Variants in CAPN7 observed in about 807,000 individuals in gnomAD.
CAPN7 encodes the protein calpain-7.
A neutral mutation model predicts 115.2 loss-of-function variants in CAPN7; 72 were observed. The ratio of observed to expected loss-of-function variants is 0.63; its 90% CI spans 0.52 to 0.76. The LOEUF (loss-of-function observed/expected upper bound fraction) is 0.76, where lower values mean the gene tolerates loss of function less well. CAPN7 is among the 30% of genes least tolerant of loss of function. CAPN7 has a pLI of 0.00. For missense variants in CAPN7, 905 were observed against 971.5 expected, an observed-to-expected ratio of 0.93 and a Z score of 0.91; for synonymous variants, 344 against 322.3, an observed-to-expected ratio of 1.07 and a Z score of -0.72.
rs941688474 is a variant in CAPN7, at chr3:15,206,340, A to C, written c.-156A>C. ...GCTTCGCGGTGGACCCCAGCCCGGCAACGGGAAGGCGAGCTCTCCTCCACC... is the reference window on the plus strand; with the variant it reads ...GCTTCGCGGTGGACCCCAGCCCGGCCACGGGAAGGCGAGCTCTCCTCCACC... On this transcript the variant is annotated 5_prime_UTR_variant, in exon 1 of 21. Coordinates refer to ENST00000253693, the MANE Select transcript of CAPN7 (RefSeq NM_014296.3). The C allele has an allele frequency of 1.2e-5, 7 of 565,868 alleles. No individual in the cohort carries two copies. Among genetic ancestry groups the C allele is most frequent in the African/African-American group, 8.0e-5 (4 of 49,690 alleles). The allele number at this position is 565,868 out of a possible 1,614,324, so 35.1% of individuals were successfully genotyped here. A position where few individuals can be genotyped will look rare whatever the true frequency, so the allele number is the denominator to read the frequency against.
chr3:15,226,453 ATAT>A (rs1694322325), intron 6 of CAPN7, among the ~76,000 whole-genome samples: 1 of 152,218 alleles, frequency 6.6e-6, no homozygotes, highest in Non-Finnish European at 1.5e-5. Context: ...GAGAGAACAA[ATAT>A]TATGGAATCT....
At chr3:15,250,722 C>G (rs938657663) in intron 19 of CAPN7, among the ~76,000 whole-genome samples, 3 of 152,148 alleles carry the variant, frequency 2.0e-5, no homozygotes, top group African/African-American at 4.8e-5. Context: ...TACAGTCTCT[C>G]TTAAAGTAAG....
chr3:15,206,987 TTAAAAAGAA>T (rs1240591639), intron 1 of CAPN7, among the ~76,000 whole-genome samples: 1 of 152,224 alleles, frequency 6.6e-6, no homozygotes, highest in Non-Finnish European at 1.5e-5. Flanking sequence ...TTAAATAAAC[TTAAAAAGAA>T]TAAAAACCAT....
chr3:15,234,038 G>T, intron 11 of CAPN7, 65 bp downstream of exon 11: 1 of 870,580 alleles, frequency 1.1e-6, no homozygotes, highest in Non-Finnish European at 1.9e-6. Flanking sequence ...CATGCTGGCT[G>T]GGCGTGGTGG....
chr3:15,235,453 C>T (rs17040887), intron 12 of CAPN7, among the ~76,000 whole-genome samples: 2 of 151,814 alleles, frequency 1.3e-5, no homozygotes, highest in Non-Finnish European at 2.9e-5. Context: ...GCTTCTTCTT[C>T]GTGTTTGGAT....
intron 4 of CAPN7, among the ~76,000 whole-genome samples, chr3:15,220,304 C>G (rs1693896275): frequency 6.6e-6 from 1 of 152,198 alleles, no homozygotes. Context: ...AGAATGCTTC[C>G]TCACTGCCCA....
At chr3:15,208,722 A>G (rs1241298227) in intron 1 of CAPN7, among the ~76,000 whole-genome samples, 2 of 152,034 alleles carry the variant, frequency 1.3e-5, no homozygotes, top group Non-Finnish European at 2.9e-5. Context: ...TTTTGCCTGA[A>G]TTTTCTTTGG....
intron 6 of CAPN7, among the ~76,000 whole-genome samples, chr3:15,226,747 A>G (rs898231022): frequency 6.6e-6 from 1 of 152,174 alleles, no homozygotes; most frequent in Non-Finnish European, 1.5e-5. Flanking sequence ...GGCTTATTTA[A>G]AGTCTAGAGG....
intron 9 of CAPN7, among the ~76,000 whole-genome samples, chr3:15,231,873 C>G (rs1187504844): frequency 6.6e-6 from 1 of 152,146 alleles, no homozygotes; most frequent in South Asian, 2.1e-4. Context: ...CTGATGACTT[C>G]CTCTGTTATT....
intron 19 of CAPN7, among the ~76,000 whole-genome samples, chr3:15,250,070 A>G (rs1021330823): frequency 4.0e-5 from 6 of 149,296 alleles, no homozygotes; most frequent in South Asian, 2.2e-4. Flanking sequence ...GCCAATGACA[A>G]TATTTTTAAT....
At position 15,211,713 on chromosome 3, in the gene CAPN7, G is replaced by T. The variant is rs546973119; in HGVS notation, c.103-391G>T. On this transcript the variant is annotated intron_variant, in intron 1 of 20. Transcript: ENST00000253693. ...AGTTCAAGACCAGCCTGGCCAACAT[G>T]GCAGAACCCAATCTCTACTAAAAAT... 1.9e-4 allele frequency among the ~76,000 whole-genome samples: 29 copies of T among 152,146 alleles called. No homozygotes were observed. In the Middle Eastern group the frequency reaches 0.014, roughly 71 times the overall value.
rs1370675387 is a variant in CAPN7 at position 15,247,456 on chromosome 3, A to C, written c.2203A>C (p.Arg735=). ...GPLLIELRGP[R]QYSVGFEVVT... is the part of the protein sequence containing the mutation. Reference sequence around the variant, plus strand: ...GTTACTGATTGAGCTACGAGGACCAAGGTTTGTGATGAGTAACTTTCTTAA... The same window carrying C: ...GTTACTGATTGAGCTACGAGGACCACGGTTTGTGATGAGTAACTTTCTTAA... The change falls in exon 19 of 21, where the codon AGG becomes CGG. Residue 735 remains arginine (R), a splice_region_variant and synonymous_variant. Transcript: ENST00000253693. 5 of 1,586,446 alleles carry C rather than the reference A, an allele frequency of 3.2e-6. No individual in the cohort carries two copies. The Middle Eastern group carries it at 5.1e-4, about 161-fold the overall frequency.
Position 15,251,527 on chromosome 3 carries a change from A to G in CAPN7, c.*267A>G, listed in dbSNP as rs775271789. 3.4e-5 allele frequency: 9 copies of G among 263,570 alleles called. No homozygotes were observed. The highest frequency in any genetic ancestry group is 6.4e-5 in the Non-Finnish European group (9 of 140,646). 16.3% of individuals were successfully genotyped at this position (263,570 alleles called of 1,614,324 possible). ...AGGGGCCATTTTGTATAAAAAGTGC[A>G]TATGATTAAAATTAGACTCAGTCAT... On this transcript the variant is annotated 3_prime_UTR_variant, in exon 21 of 21. Transcript: ENST00000253693.
At chr3:15,206,692 G>T (rs994466560) in intron 1 of CAPN7, 95 bp downstream of exon 1, 1 of 910,788 alleles carries the variant, frequency 1.1e-6, no homozygotes, top group Admixed American at 2.7e-5. Flanking sequence ...GGAGGCTAGC[G>T]GCCCCGGCTT....
chr3:15,245,670 G>A lies in CAPN7; in HGVS notation c.2009G>A (p.Arg670Gln), dbSNP rs758102048. 12 of 1,611,674 alleles carry A rather than the reference G, an allele frequency of 7.4e-6. No homozygotes were observed. Among genetic ancestry groups the A allele is most frequent in the African/African-American group, 2.7e-5 (2 of 74,780 alleles). The change falls in exon 17 of 21, where the codon CGG becomes CAG. Residue 670 changes from arginine to glutamine, a missense_variant and splice_region_variant. Coordinates refer to ENST00000253693, the MANE Select transcript of CAPN7 (RefSeq NM_014296.3). ...EKQNTIHYTV[R>Q]VYSACSFTFS... ...CAGAACACAATCCATTACACGGTTC[G>A]GGTAAGTAAAACCAACACACAATGA... is the stretch of plus-strand genomic sequence containing the variant.
chr3:15,206,546 G>T lies in CAPN7; in HGVS notation c.51G>T (p.Ala17=), dbSNP rs370234590. The T allele has an allele frequency of 3.2e-6, 5 of 1,556,490 alleles. No individual in the cohort carries two copies. Among genetic ancestry groups the T allele is most frequent in the South Asian group, 2.4e-5 (2 of 84,336 alleles). The change falls in exon 1 of 21, where the codon GCG becomes GCT. Residue 17 remains alanine, a synonymous_variant. Transcript: ENST00000253693. ...ACGCTGTGCAGTTCGCCCGTCTGGC[G>T]GTTCAGCGCGACCACGAAGGCCGCT... ...ERDAVQFARL[A]VQRDHEGRYS... is the part of the protein sequence containing the mutation.
chr3:15,247,407 A>C lies in CAPN7; in HGVS notation c.2154A>C (p.Gln718His). 1 of 1,612,478 alleles carries C rather than the reference A, an allele frequency of 6.2e-7. No individual in the cohort carries two copies. Among genetic ancestry groups the C allele is most frequent in the Non-Finnish European group, 8.5e-7 (1 of 1,179,146 alleles). Residue 718 changes from glutamine (Q) to histidine (H), a missense_variant, in exon 19 of 21, where the codon CAA (glutamine) becomes CAC (histidine). Physicochemically the swap from Gln to His is conservative, Grantham distance 24 (BLOSUM62 0). Coordinates refer to ENST00000253693, the MANE Select transcript of CAPN7 (RefSeq NM_014296.3). The stretch of plus-strand genomic sequence containing the variant: ...CTCACAAAAATAACCCCATCTACCA[A>C]TTCCATATAGAAAAGACTGGGCCGT... ...QETHKNNPIY[Q>H]FHIEKTGPLL...
At chr3:15,249,623 C>T (rs1458131428) in intron 19 of CAPN7, among the ~76,000 whole-genome samples, 1 of 151,852 alleles carries the variant, frequency 6.6e-6, no homozygotes, top group Non-Finnish European at 1.5e-5. Flanking sequence ...TTTTTTGTTA[C>T]CTCATCACCA....
rs1694419325 is a variant in CAPN7 at position 15,227,834 on chromosome 3, C to T, written c.726-5C>T. The stretch of plus-strand genomic sequence containing the variant: ...TTTTTATTTTAATTTTTATTATTAC[C>T]TCAGTGATAGATGGGGCAAGCTACC... On this transcript the variant is annotated splice_polypyrimidine_tract_variant and splice_region_variant and intron_variant, in intron 6 of 20. Coordinates refer to ENST00000253693, the MANE Select transcript of CAPN7 (RefSeq NM_014296.3). 1 of 1,458,324 alleles carries T rather than the reference C, an allele frequency of 6.9e-7. No individual in the cohort carries two copies. Among genetic ancestry groups the T allele is most frequent in the Non-Finnish European group, 9.1e-7 (1 of 1,097,130 alleles). 90.3% of individuals were successfully genotyped at this position (1,458,324 alleles called of 1,614,324 possible). A position where few individuals can be genotyped will look rare whatever the true frequency, so the allele number is the denominator to read the frequency against.
Sources: allele counts gnomAD v4.1 joint callset (sites outside exome capture counted in the v4.1 genomes callset), GRCh38; gene constraint gnomAD v4.1.1; transcripts MANE v1.5; gene names NCBI Gene and HGNC (gene_info 2026-07-23, HGNC 2026-07-21).